Variants in MOBP observed in about 807,000 individuals in gnomAD.
The protein encoded by MOBP is myelin-associated oligodendrocyte basic protein.
Under a neutral mutation model 15.0 loss-of-function variants are expected in MOBP, and 5 were observed. The observed-to-expected ratio is 0.33, with a 90% CI of 0.17 to 0.70. The LOEUF (loss-of-function observed/expected upper bound fraction) is 0.70. Ranked by LOEUF, MOBP falls within the 30% of genes least tolerant of loss-of-function variation. MOBP has a pLI of 0.67. For missense variants in MOBP, 188 were observed against 257.8 expected (o/e 0.73, Z 1.85); for synonymous variants, 88 against 99.0 (o/e 0.89, Z 0.66).
intron 2 of MOBP, among the ~76,000 whole-genome samples, chr3:39,482,406 C>T (rs2042640884): frequency 6.6e-6 from 1 of 152,112 alleles, no homozygotes; most frequent in Non-Finnish European, 1.5e-5. Context: ...AATCCCAGCA[C>T]TTTGGGAGGC....
At chr3:39,472,122 CA>C (rs1404286516) in intron 1 of MOBP, among the ~76,000 whole-genome samples, 1 of 152,206 alleles carries the variant, frequency 6.6e-6, no homozygotes, top group African/African-American at 2.4e-5. Context: ...AAGTGGCTGG[CA>C]GTTTTATCAT....
At chr3:39,489,691 G>GCCCC (rs546154097) in intron 2 of MOBP, among the ~76,000 whole-genome samples, 7 of 149,096 alleles carry the variant, frequency 4.7e-5, no homozygotes, top group Middle Eastern at 3.4e-3. Flanking sequence ...ATTGTTCCCC[G>GCCCC]CCCAGCTCCT....
At chr3:39,478,819 C>CTTT (rs556176078) in intron 1 of MOBP, among the ~76,000 whole-genome samples, 1 of 150,636 alleles carries the variant, frequency 6.6e-6, no homozygotes, top group Middle Eastern at 3.4e-3. Context: ...GATCATTTGT[C>CTTT]TTTTTTTTTC....
intron 2 of MOBP, among the ~76,000 whole-genome samples, chr3:39,500,437 CTA>C (rs1249561691): frequency 3.3e-5 from 5 of 152,000 alleles, no homozygotes; most frequent in Admixed American, 2.6e-4. Context: ...GCAGATGAGC[CTA>C]TAAGGGAAAT....
At chr3:39,484,759 C>G in intron 2 of MOBP, among the ~76,000 whole-genome samples, 1 of 152,218 alleles carries the variant, frequency 6.6e-6, no homozygotes, top group East Asian at 1.9e-4. Flanking sequence ...AATAAATTAT[C>G]TGTGTGCTAA....
intron 2 of MOBP, among the ~76,000 whole-genome samples, chr3:39,495,772 A>C (rs1399088203): frequency 6.6e-6 from 1 of 150,540 alleles, no homozygotes; most frequent in African/African-American, 2.5e-5. Flanking sequence ...AAAAAAGAAA[A>C]GAAAGAGGAA....
At chr3:39,468,795 T>TAC (rs10675541) in intron 1 of MOBP, among the ~76,000 whole-genome samples, 71,968 of 104,482 alleles carry the variant, frequency 0.69, 27,648 homozygotes, top group African/African-American at 0.9. Flanking sequence ...CATGTGTGTG[T>TAC]ATATATACAT....
At position 39,521,726 on chromosome 3, in the gene MOBP, A is replaced by G. The variant is rs189799261; in HGVS notation, c.*259-2517A>G. ...TTTTACTGAGTATGTAAAGACTCAA[A>G]AATGAAAATGTCCGACTAAAAAGCA... On this transcript the variant is annotated intron_variant and NMD_transcript_variant, in intron 3 of 4. Transcript: ENST00000424090. Among the ~76,000 whole-genome samples the G allele has an allele frequency of 1.5e-3, 221 of 151,044 alleles. 1 individual carries two copies. The highest frequency in any genetic ancestry group is 5.3e-3 in the African/African-American group (213 of 40,350).
At position 39,502,062 on chromosome 3, in the gene MOBP, C is replaced by G. The variant is rs199539891; in HGVS notation, c.-4-4C>G. On this transcript the variant is annotated splice_region_variant and splice_polypyrimidine_tract_variant and intron_variant, in intron 2 of 3. Coordinates refer to ENST00000684792, the MANE Select transcript of MOBP (RefSeq NM_001393704.1). This position sits in a 1 kb window ranked among gnomAD's most constrained non-coding sequence, Gnocchi z 6.3. Reference sequence around the variant, plus strand: ...TCCTGTCTCCTTGCATCGGCGATTTCCAGTGAGATGAGTCAGAAACCGGCC... The same window carrying G: ...TCCTGTCTCCTTGCATCGGCGATTTGCAGTGAGATGAGTCAGAAACCGGCC... 1.2e-6 allele frequency: 2 copies of G among 1,613,374 alleles called. No homozygotes were observed. Among genetic ancestry groups the G allele is most frequent in the Non-Finnish European group, 1.7e-6 (2 of 1,179,768 alleles).
intron 2 of MOBP, among the ~76,000 whole-genome samples, chr3:39,482,635 G>C (rs2042644339): frequency 7.6e-6 from 1 of 131,694 alleles, no homozygotes; most frequent in African/African-American, 3.0e-5. Context: ...CTGGGCAACA[G>C]AGCGACACTC....
At chr3:39,492,209 C>T (rs558115255) in intron 2 of MOBP, among the ~76,000 whole-genome samples, 48 of 152,242 alleles carry the variant, frequency 3.2e-4, no homozygotes, top group Middle Eastern at 3.4e-3. Flanking sequence ...TTGGTTGGAT[C>T]AAGTGGTCAG....
chr3:39,514,507 C>T (rs924929472), exon 5 of MOBP: 1 of 152,228 alleles, frequency 6.6e-6, no homozygotes, highest in Admixed American at 6.5e-5. Context: ...CCTGGTCCCC[C>T]CAGTGCTTTC....
At chr3:39,488,942 T>C (rs180778205) in intron 2 of MOBP, among the ~76,000 whole-genome samples, 1 of 152,338 alleles carries the variant, frequency 6.6e-6, no homozygotes, top group African/African-American at 2.4e-5. Flanking sequence ...ATATGAAGAT[T>C]TATCTCCTTT....
rs891085907 is a variant in MOBP, at chr3:39,491,061, G to A, written c.-5+10938G>A. Among the ~76,000 whole-genome samples the A allele has an allele frequency of 2.6e-5, 4 of 152,152 alleles. No individual in the cohort carries two copies. In the East Asian group the frequency reaches 5.8e-4, roughly 22 times the overall value. ...CTGTGTCCTATGGAGTACATTCTTA[G>A]GTCACTGAAGGGAACACTTTTCCAT... On this transcript the variant is annotated intron_variant, in intron 2 of 3. Coordinates refer to ENST00000684792, the MANE Select transcript of MOBP (RefSeq NM_001393704.1).
intron 1 of MOBP, among the ~76,000 whole-genome samples, chr3:39,476,958 G>GTGGATAATAGATTGTAGAGGTTC (rs1425908784): frequency 2.0e-5 from 3 of 151,750 alleles, no homozygotes; most frequent in Admixed American, 6.6e-5. Context: ...GCTGGACATT[G>GTGGATAATAGATTGTAGAGGTTC]TGGATAATAG....
At chr3:39,506,093 T>A (rs1357788868), downstream of MOBP, among the ~76,000 whole-genome samples, 1 of 152,152 alleles carries the variant, frequency 6.6e-6, no homozygotes, top group Non-Finnish European at 1.5e-5. Context: ...TCTTATCTCC[T>A]TTGAGGTCTT....
rs2042997921 is a variant in MOBP at position 39,502,997 on chromosome 3, G to A, written c.*117G>A. ...CCTTATTACCCAACCTGTGTAATCA[G>A]CTCCCTCCATTAAATCCCCTCTGTT... On this transcript the variant is annotated 3_prime_UTR_variant, in exon 4 of 4. Transcript: ENST00000684792. This position sits in a 1 kb window ranked among gnomAD's most constrained non-coding sequence, Gnocchi z 6.3. 1 of 585,910 alleles carries A rather than the reference G, an allele frequency of 1.7e-6. No homozygotes were observed. The highest frequency in any genetic ancestry group is 3.0e-6 in the Non-Finnish European group (1 of 336,352). The allele number at this position is 585,910 out of a possible 1,614,324, so 36.3% of individuals were successfully genotyped here.
chr3:39,485,822 G>A (rs2042698881), intron 2 of MOBP, among the ~76,000 whole-genome samples: 1 of 152,152 alleles, frequency 6.6e-6, no homozygotes, highest in Non-Finnish European at 1.5e-5. Flanking sequence ...GGACACAAAC[G>A]ATGCTTCCTT....
chr3:39,518,937 G>T (rs572192571), downstream of MOBP, among the ~76,000 whole-genome samples: 1 of 152,288 alleles, frequency 6.6e-6, no homozygotes, highest in Admixed American at 6.5e-5. Flanking sequence ...ACTCACAGGG[G>T]CATCCTATGG....
Sources: allele counts gnomAD v4.1 joint callset (sites outside exome capture counted in the v4.1 genomes callset), GRCh38; gene constraint gnomAD v4.1.1; non-coding constraint Gnocchi (gnomAD v3.1); transcripts MANE v1.5; gene names NCBI Gene and HGNC (gene_info 2026-07-23, HGNC 2026-07-21).